The following CCDC88B variants were observed in gnomAD, a reference collection of about 807,000 sequenced individuals.
CCDC88B encodes coiled-coil domain-containing protein 88B.
Under a neutral mutation model 183.7 loss-of-function variants are expected in CCDC88B, and 138 were observed. The observed-to-expected ratio is 0.75, with a 90% CI of 0.65 to 0.87. The LOEUF (loss-of-function observed/expected upper bound fraction) is 0.87, where lower values mean the gene tolerates loss of function less well. Among genes scored for constraint, CCDC88B ranks in the 40% least tolerant of loss-of-function variants. The pLI is 0.00. For synonymous variants in CCDC88B, 835 were observed against 867.5 expected (o/e 0.96, Z 0.66); for missense variants, 1,822 against 1,965.6 (o/e 0.93, Z 1.38).
rs566603246 is a variant in CCDC88B, at chr11:64,344,662, G to T, written c.2121G>T (p.Glu707Asp). 6.2e-7 allele frequency: 1 copy of T among 1,613,958 alleles called. No individual in the cohort carries two copies. Among genetic ancestry groups the T allele is most frequent in the African/African-American group, 1.3e-5 (1 of 74,932 alleles). ...KPQQKSEGALEVQVWEGPIPG... is the reference protein window; with the variant it reads ...KPQQKSEGALDVQVWEGPIPG... The stretch of plus-strand genomic sequence containing the variant: ...AGCAGAAGTCAGAAGGGGCTCTTGA[G>T]GTCCAGGTCTGGGAAGGCCCAATCC... The change falls in exon 14 of 27, where the codon GAG (glutamate) becomes GAT (aspartate). Residue 707 changes from glutamate to aspartate, a missense_variant. Glu to Asp is a conservative substitution (Grantham distance 45). Coordinates refer to ENST00000356786, the MANE Select transcript of CCDC88B (RefSeq NM_032251.6). This position sits in a 1 kb window ranked among gnomAD's most constrained non-coding sequence, Gnocchi z 4.5.
chr11:64,352,045 C>A, intron 18 of CCDC88B, 85 bp from the exon 19 acceptor site: 1 of 1,496,132 alleles, frequency 6.7e-7, no homozygotes, highest in Non-Finnish European at 9.0e-7. Context: ...TGGGCCCTAC[C>A]GTCTGCCCTT....
intron 16 of CCDC88B, 32 bp downstream of exon 16, chr11:64,349,700 A>G: frequency 6.5e-7 from 1 of 1,545,574 alleles, no homozygotes; most frequent in Non-Finnish European, 8.8e-7. Context: ...GCTGGGGGCC[A>G]TGCCACCCTG....
chr11:64,342,220 C>T (rs1308295880), intron 8 of CCDC88B, 74 bp from the exon 9 acceptor site: 14 of 1,579,906 alleles, frequency 8.9e-6, no homozygotes, highest in South Asian at 1.1e-5. Context: ...CTGGTGGCTA[C>T]GGGAGGGGTC....
chr11:64,353,837 C>T, intron 23 of CCDC88B, 24 bp downstream of exon 23: 1 of 1,612,464 alleles, frequency 6.2e-7, no homozygotes, highest in Non-Finnish European at 8.5e-7. Flanking sequence ...TCACCTCCCT[C>T]AGGCTGGACA....
chr11:64,355,353 G>A lies in CCDC88B; in HGVS notation c.4259G>A (p.Arg1420Gln), dbSNP rs754038116. The change falls in exon 25 of 27, where the codon CGA becomes CAA. Residue 1420 changes from arginine (R) to glutamine (Q), a missense_variant. Arg to Gln is a conservative substitution (Grantham distance 43). Coordinates refer to ENST00000356786, the MANE Select transcript of CCDC88B (RefSeq NM_032251.6). The stretch of plus-strand genomic sequence containing the variant: ...GGGGACACCCCTAGGCAACGATTCC[G>A]ACAGCGCCATCCAGGCCCCCTGGGG... Reference protein sequence around the residue: ...SPGDTPRQRFRQRHPGPLGAP... With the variant: ...SPGDTPRQRFQQRHPGPLGAP... 2.3e-5 allele frequency: 36 copies of A among 1,592,370 alleles called. No individual in the cohort carries two copies. Among genetic ancestry groups the A allele is most frequent in the Non-Finnish European group, 2.6e-5 (31 of 1,170,072 alleles).
At chr11:64,348,981 A>C (rs777762074) in intron 14 of CCDC88B, 12 of 717,266 alleles carry the variant, frequency 1.7e-5, no homozygotes, top group Non-Finnish European at 3.1e-5. Flanking sequence ...TCGCTGTCAC[A>C]TGGCTGGGGT....
rs976674625 is a variant in CCDC88B at position 64,352,646 on chromosome 11, A to T, written c.3357-98A>T. The T allele has an allele frequency of 7.1e-6, 11 of 1,541,988 alleles. No homozygotes were observed. In the African/African-American group the frequency reaches 1.1e-4, roughly 15 times the overall value. ...TTCCTCTGGGGGACCTAGGCTTAGGAGGTGACAGACCCCCCCGCCCCGGGT... is the reference window on the plus strand; with the variant it reads ...TTCCTCTGGGGGACCTAGGCTTAGGTGGTGACAGACCCCCCCGCCCCGGGT... On this transcript the variant is annotated intron_variant, in intron 19 of 26. Transcript: ENST00000356786.
rs1453522401 is a variant in CCDC88B at position 64,349,513 on chromosome 11, G to T, written c.2745-38G>T. The T allele has an allele frequency of 3.2e-6, 5 of 1,578,246 alleles. No individual in the cohort carries two copies. The East Asian group carries it at 9.1e-5, about 29-fold the overall frequency. ...GGAGGCAGGGGTGTGGTGGGGCGAG[G>T]GTGGGGTGGGGCTGGGTGCTAAGGA... On this transcript the variant is annotated intron_variant, in intron 15 of 26. Transcript: ENST00000356786.
At chr11:64,343,115 G>A in intron 10 of CCDC88B, 64 bp from the exon 11 acceptor site, 2 of 1,457,352 alleles carry the variant, frequency 1.4e-6, no homozygotes, top group African/African-American at 2.8e-5. Context: ...AGGAGTTTGG[G>A]ACCCTCAGGC....
Position 64,341,719 on chromosome 11 carries a change from C to A in CCDC88B, c.652C>A (p.Arg218=), listed in dbSNP as rs766467406. The A allele has an allele frequency of 1.1e-5, 18 of 1,582,698 alleles. No homozygotes were observed. Among genetic ancestry groups the A allele is most frequent in the Non-Finnish European group, 1.5e-5 (18 of 1,167,682 alleles). ...SLMGTLSKLA[R]ERDLGAQRLA... Reference sequence around the variant, plus strand: ...GATGGGGACACTGTCGAAGCTGGCACGGGAGCGTGACCTGGGGGCCCAGGT... The same window carrying A: ...GATGGGGACACTGTCGAAGCTGGCAAGGGAGCGTGACCTGGGGGCCCAGGT... Residue 218 remains arginine (R), a synonymous_variant, in exon 7 of 27, where the codon CGG becomes AGG. Transcript: ENST00000356786.
At position 64,355,420 on chromosome 11, in the gene CCDC88B, G is replaced by A; in HGVS notation, c.4306+20G>A. On this transcript the variant is annotated intron_variant, in intron 25 of 26. Transcript: ENST00000356786. The stretch of plus-strand genomic sequence containing the variant: ...GCAAAGGTGAGGGACAAGGGTCACT[G>A]TACCAGCCAGCCCCCCAACTCTTTG... 6.3e-7 allele frequency: 1 copy of A among 1,588,146 alleles called. No individual in the cohort carries two copies. The highest frequency in any genetic ancestry group is 1.3e-5 in the African/African-American group (1 of 74,518).
rs1424449714 is a variant in CCDC88B at position 64,355,345 on chromosome 11, A to T, written c.4251A>T (p.Gln1417His). ...ESFSPGDTPRQRFRQRHPGPL... is the reference protein window; with the variant it reads ...ESFSPGDTPRHRFRQRHPGPL... ...TCAGCCCTGGGGACACCCCTAGGCA[A>T]CGATTCCGACAGCGCCATCCAGGCC... The change falls in exon 25 of 27, where the codon CAA (glutamine) becomes CAT (histidine). Residue 1417 changes from glutamine (Q) to histidine (H), a missense_variant. Gln to His is a conservative substitution (Grantham distance 24, BLOSUM62 0). Coordinates refer to ENST00000356786, the MANE Select transcript of CCDC88B (RefSeq NM_032251.6). 1 of 1,593,148 alleles carries T rather than the reference A, an allele frequency of 6.3e-7. No homozygotes were observed. Among genetic ancestry groups the T allele is most frequent in the African/African-American group, 1.3e-5 (1 of 74,212 alleles).
At chr11:64,349,762 TCTGGATTCTTGG>T (rs1379732140) in intron 16 of CCDC88B, 94 bp downstream of exon 16, 36 of 1,224,028 alleles carry the variant, frequency 2.9e-5, no homozygotes, top group Non-Finnish European at 4.2e-5. Flanking sequence ...TAGTCTTGCC[TCTGGATTCTTGG>T]CTAGCTACTT....
chr11:64,352,010 C>T, intron 18 of CCDC88B, 120 bp from the exon 19 acceptor site: 1 of 1,394,234 alleles, frequency 7.2e-7, no homozygotes, highest in Non-Finnish European at 9.7e-7. Context: ...AGCCCTTTGC[C>T]TCCTCCACAA....
rs537511418 is a variant in CCDC88B at position 64,344,390 on chromosome 11, C to T, written c.1849C>T (p.Pro617Ser). The T allele has an allele frequency of 1.3e-6, 2 of 1,584,182 alleles. No individual in the cohort carries two copies. The highest frequency in any genetic ancestry group is 1.9e-5 in the Admixed American group (1 of 54,020). Residue 617 changes from proline to serine, a missense_variant, in exon 14 of 27, where the codon CCG becomes TCG. Transcript: ENST00000356786. This position sits in a 1 kb window ranked among gnomAD's most constrained non-coding sequence, Gnocchi z 4.5. Reference sequence around the variant, plus strand: ...GGGTCCAGGGACCAAAATTCAGGCCCCGCAGTTGCTGGGAGGAGAGACAGA... The same window carrying T: ...GGGTCCAGGGACCAAAATTCAGGCCTCGCAGTTGCTGGGAGGAGAGACAGA... ...PQGPGTKIQA[P>S]QLLGGETEGR...
intron 10 of CCDC88B, 55 bp downstream of exon 10, chr11:64,342,735 G>A: frequency 6.9e-7 from 1 of 1,439,358 alleles, no homozygotes; most frequent in Non-Finnish European, 9.1e-7. Flanking sequence ...CGGGCCAGGA[G>A]GAGGGGCGAG....
At chr11:64,346,807 T>C (rs557984255) in intron 14 of CCDC88B, among the ~76,000 whole-genome samples, 1 of 150,684 alleles carries the variant, frequency 6.6e-6, no homozygotes, top group African/African-American at 2.4e-5. Flanking sequence ...TCTTTTCTTT[T>C]CTTTTCTTTT....
chr11:64,341,416 C>G lies in CCDC88B; in HGVS notation c.448-5C>G. The G allele has an allele frequency of 6.2e-7, 1 of 1,614,030 alleles. No individual in the cohort carries two copies. Among genetic ancestry groups the G allele is most frequent in the Non-Finnish European group, 8.5e-7 (1 of 1,180,018 alleles). ...GCACCAGCTCCCCTTCCTGTCTCCCCTCAGTGTGAGCACCGGGAACTCTTC... is the reference window on the plus strand; with the variant it reads ...GCACCAGCTCCCCTTCCTGTCTCCCGTCAGTGTGAGCACCGGGAACTCTTC... On this transcript the variant is annotated splice_region_variant and splice_polypyrimidine_tract_variant and intron_variant, in intron 5 of 26. Coordinates refer to ENST00000356786, the MANE Select transcript of CCDC88B (RefSeq NM_032251.6).
chr11:64,340,235 T>A lies in CCDC88B; in HGVS notation c.-32T>A. The A allele has an allele frequency of 8.0e-7, 1 of 1,251,120 alleles. No homozygotes were observed. The highest frequency in any genetic ancestry group is 1.0e-6 in the Non-Finnish European group (1 of 982,098). 77.5% of individuals were successfully genotyped at this position (1,251,120 alleles called of 1,614,324 possible). ...CTCTTCCTCTCAGGGCAGGTGCAGCTGCCACAGTGAGACGGGCACCCCGAC... is the reference window on the plus strand; with the variant it reads ...CTCTTCCTCTCAGGGCAGGTGCAGCAGCCACAGTGAGACGGGCACCCCGAC... On this transcript the variant is annotated 5_prime_UTR_variant, in exon 1 of 27. Transcript: ENST00000356786.
Sources: gnomAD v4.1 joint callset for allele counts (sites outside exome capture counted in the v4.1 genomes callset) on GRCh38, gnomAD v4.1.1 for gene constraint, Gnocchi (gnomAD v3.1) non-coding constraint, MANE v1.5 for transcripts, NCBI Gene and HGNC (gene_info 2026-07-23, HGNC 2026-07-21) for gene names.